MANBA: variants seen among roughly 807,000 people sequenced by gnomAD.
The protein encoded by MANBA is mannosidase beta.
A neutral mutation model predicts 111.1 loss-of-function variants in MANBA; 83 were observed. The ratio of observed to expected loss-of-function variants is 0.75; its 90% confidence interval spans 0.63 to 0.90. The LOEUF (loss-of-function observed/expected upper bound fraction) is 0.90, where lower values mean the gene tolerates loss of function less well. Ranked by LOEUF, MANBA falls within the 40% of genes least tolerant of loss-of-function variation. The probability of loss-of-function intolerance (pLI) is 0.00; values close to 1 mark genes in which losing one functional copy is unlikely to be tolerated. For missense variants in MANBA, 1,036 were observed against 1,069.0 expected (o/e 0.97, Z 0.43); for synonymous variants, 370 against 378.7 (o/e 0.98, Z 0.27).
intron 1 of MANBA, among the ~76,000 whole-genome samples, chr4:102,734,970 T>C: frequency 6.6e-6 from 1 of 152,240 alleles, no homozygotes; most frequent in Admixed American, 6.5e-5. Context: ...CATTACATTT[T>C]GGAGTCATTA....
intron 4 of MANBA, among the ~76,000 whole-genome samples, chr4:102,721,333 A>C (rs543253337): frequency 4.5e-4 from 68 of 151,042 alleles, no homozygotes; most frequent in South Asian, 1.5e-3. Context: ...CAAATACATA[A>C]ATAAATAAAT....
chr4:102,686,820 T>C (rs907991282), intron 7 of MANBA, among the ~76,000 whole-genome samples: 2 of 152,198 alleles, frequency 1.3e-5, no homozygotes, highest in Non-Finnish European at 2.9e-5. Context: ...GGTTCTGTCC[T>C]AGCTCTTTTC....
chr4:102,673,639 C>T (rs1433421574), intron 8 of MANBA, among the ~76,000 whole-genome samples: 3 of 152,032 alleles, frequency 2.0e-5, no homozygotes, highest in Non-Finnish European at 4.4e-5. Context: ...ATATAAATTA[C>T]TCATTTTCTT....
chr4:102,726,494 C>CAA lies in MANBA; in HGVS notation c.272+93_272+94dup, dbSNP rs368198017. On this transcript the variant is annotated intron_variant, in intron 2 of 16. Transcript: ENST00000647097. ...ACAAAACAAAACAAAACATACAAAACAAAAAAAAAACAAACAAAACACAAC... is the reference window on the plus strand; with the variant it reads ...ACAAAACAAAACAAAACATACAAAACAAAAAAAAAAAACAAACAAAACACAAC... 706 of 634,840 alleles carry CAA rather than the reference C, an allele frequency of 1.1e-3. 1 individual carries two copies. The highest frequency in any genetic ancestry group is 8.4e-3 in the Middle Eastern group (31 of 3,700). The allele number at this position is 634,840 out of a possible 1,614,324, so 39.3% of individuals were successfully genotyped here. A position where few individuals can be genotyped will look rare whatever the true frequency, so the allele number is the denominator to read the frequency against.
At chr4:102,665,787 G>C (rs1731192986) in intron 10 of MANBA, 1 of 152,112 alleles carries the variant, frequency 6.6e-6, no homozygotes, top group South Asian at 2.1e-4. Context: ...ACATGTTTTG[G>C]CAATGTTACC....
Position 102,657,691 on chromosome 4 carries a change from T to C in MANBA, c.1695A>G (p.Thr565=), listed in dbSNP as rs141553684. The C allele has an allele frequency of 1.7e-5, 27 of 1,607,870 alleles. No individual in the cohort carries two copies. The highest frequency in any genetic ancestry group is 2.0e-5 in the Non-Finnish European group (24 of 1,174,430). Residue 565 remains threonine (T), a synonymous_variant, in exon 12 of 17, where the codon ACA becomes ACG. Coordinates refer to ENST00000647097, the MANE Select transcript of MANBA (RefSeq NM_005908.4). ...YGYQSWPSFS[T]LEKVSSTEDW... is the part of the protein sequence containing the mutation. ...TCAAACGATGACTTACCTTTTCTAA[T>C]GTACTGAAGGACGGCCAGGACTGAT...
chr4:102,683,825 AT>A (rs1278789059), intron 7 of MANBA, among the ~76,000 whole-genome samples: 1 of 152,152 alleles, frequency 6.6e-6, no homozygotes, highest in Non-Finnish European at 1.5e-5. Flanking sequence ...TTATTTTGTT[AT>A]TTATTAATGT....
At chr4:102,714,627 C>T (rs1722244411) in intron 4 of MANBA, 66 bp from the exon 5 acceptor site, 5 of 1,496,444 alleles carry the variant, frequency 3.3e-6, no homozygotes, top group Non-Finnish European at 4.6e-6. Flanking sequence ...TTATGAAAAA[C>T]ATTTTCTTTA....
intron 10 of MANBA, chr4:102,666,330 CAATTA>C (rs1250071344): frequency 6.6e-6 from 1 of 152,166 alleles, no homozygotes; most frequent in Non-Finnish European, 1.5e-5. Flanking sequence ...TGTGTAACTA[CAATTA>C]ATATGTTTAC....
intron 7 of MANBA, among the ~76,000 whole-genome samples, chr4:102,685,580 T>C (rs1310989848): frequency 6.6e-6 from 1 of 152,110 alleles, no homozygotes; most frequent in Non-Finnish European, 1.5e-5. Context: ...CCCAGAGACC[T>C]TGCCCTCTCA....
At chr4:102,750,908 A>C (rs1460458371) in intron 1 of MANBA, among the ~76,000 whole-genome samples, 1 of 152,124 alleles carries the variant, frequency 6.6e-6, no homozygotes, top group South Asian at 2.1e-4. Flanking sequence ...GTAATACCCT[A>C]TCTCAAAAAA....
intron 5 of MANBA, among the ~76,000 whole-genome samples, chr4:102,695,106 T>C (rs1354884543): frequency 1.3e-5 from 2 of 152,176 alleles, no homozygotes; most frequent in Non-Finnish European, 2.9e-5. Context: ...CCTAGATTAA[T>C]GTATACTGCT....
At chr4:102,749,808 T>C (rs1723721111) in intron 1 of MANBA, among the ~76,000 whole-genome samples, 1 of 152,208 alleles carries the variant, frequency 6.6e-6, no homozygotes, top group African/African-American at 2.4e-5. Flanking sequence ...TGAAAATGAA[T>C]TGTATAGGCT....
intron 11 of MANBA, among the ~76,000 whole-genome samples, chr4:102,663,711 C>G (rs1252666990): frequency 6.6e-6 from 1 of 151,882 alleles, no homozygotes; most frequent in Admixed American, 6.6e-5. Context: ...CTGGATATAC[C>G]CAGATATTTA....
intron 13 of MANBA, among the ~76,000 whole-genome samples, chr4:102,644,662 A>G (rs917352392): frequency 2.0e-5 from 3 of 152,130 alleles, no homozygotes; most frequent in Non-Finnish European, 4.4e-5. Context: ...CAAAATTTCA[A>G]TTAGGAGAAA....
At chr4:102,670,500 A>C (rs538823600) in intron 9 of MANBA, among the ~76,000 whole-genome samples, 1 of 152,272 alleles carries the variant, frequency 6.6e-6, no homozygotes, top group African/African-American at 2.4e-5. Context: ...AACAGAATAT[A>C]TTTTCTTTGC....
chr4:102,679,360 T>C (rs1195670523), intron 7 of MANBA, among the ~76,000 whole-genome samples: 2 of 152,000 alleles, frequency 1.3e-5, no homozygotes, highest in African/African-American at 4.8e-5. Context: ...ATAGAAGTAA[T>C]GAAATGAAAT....
At chr4:102,711,204 T>C (rs538544074) in intron 5 of MANBA, among the ~76,000 whole-genome samples, 1 of 152,298 alleles carries the variant, frequency 6.6e-6, no homozygotes, top group African/African-American at 2.4e-5. Flanking sequence ...GAGAAAATAT[T>C]TGCAGACTAT....
chr4:102,749,444 T>C (rs960153424), intron 1 of MANBA, among the ~76,000 whole-genome samples: 14 of 152,268 alleles, frequency 9.2e-5, no homozygotes, highest in African/African-American at 3.1e-4. Flanking sequence ...TTACATTTTT[T>C]GAGAGCTTTT....
Sources: gnomAD v4.1 joint callset for allele counts (sites outside exome capture counted in the v4.1 genomes callset) on GRCh38, gnomAD v4.1.1 for gene constraint, MANE v1.5 for transcripts, NCBI Gene and HGNC (gene_info 2026-07-23, HGNC 2026-07-21) for gene names.